Variants in TF observed in about 807,000 individuals in gnomAD.
TF encodes the protein transferrin, also known as serotransferrin.
A neutral mutation model predicts 82.4 loss-of-function variants in TF; 55 were observed. The observed-to-expected ratio is 0.67, with a 90% confidence interval of 0.54 to 0.84. The LOEUF is 0.84. TF is among the 40% of genes least tolerant of loss of function. The pLI is 0.00. For missense variants in TF, 737 were observed against 868.4 expected, an observed-to-expected ratio of 0.85 and a Z score of 1.90; for synonymous variants, 332 against 332.6, an observed-to-expected ratio of 1.00 and a Z score of 0.02.
At chr3:133,767,089 G>A (rs1168326602) in intron 12 of TF, among the ~76,000 whole-genome samples, 2 of 152,164 alleles carry the variant, frequency 1.3e-5, no homozygotes, top group African/African-American at 4.8e-5. Context: ...CTGCCACAAG[G>A]TTTTGTATGG....
At chr3:133,767,902 G>A in intron 12 of TF, 127 bp from the exon 13 acceptor site, 2 of 1,219,916 alleles carry the variant, frequency 1.6e-6, no homozygotes, top group Non-Finnish European at 1.2e-6. Flanking sequence ...CTGGGTTGGT[G>A]GTGGCTGGTC....
chr3:133,754,362 C>T (rs916435805), intron 3 of TF, 133 bp from the exon 4 acceptor site: 1 of 882,656 alleles, frequency 1.1e-6, no homozygotes, highest in Non-Finnish European at 1.9e-6. Context: ...TTTCCTGATT[C>T]CCCACTCCTT....
chr3:133,713,322 A>T, the TF span, among the ~76,000 whole-genome samples: 1 of 152,240 alleles, frequency 6.6e-6, no homozygotes, highest in Non-Finnish European at 1.5e-5. Flanking sequence ...TGGGCTCTCA[A>T]TGCAATAGAA....
At chr3:133,754,738 A>G (rs1933777408) in intron 4 of TF, 67 bp downstream of exon 4, 2 of 1,536,956 alleles carry the variant, frequency 1.3e-6, no homozygotes, top group South Asian at 1.1e-5. Context: ...CACAGGCTGC[A>G]CTAGACAGTC....
intron 2 of TF, 190 bp downstream of exon 2, chr3:133,748,774 A>G: frequency 1.4e-6 from 1 of 721,050 alleles, no homozygotes; most frequent in Non-Finnish European, 2.3e-6. Flanking sequence ...AAAAGTCAAA[A>G]AGCACATTAA....
chr3:133,669,125 C>T, the TF span, among the ~76,000 whole-genome samples: 3 of 152,154 alleles, frequency 2.0e-5, no homozygotes, highest in Non-Finnish European at 2.9e-5. Context: ...CTTGACCTCC[C>T]GAGTAGCTGG....
intron 2 of TF, among the ~76,000 whole-genome samples, chr3:133,753,039 A>T (rs1172331922): frequency 6.6e-6 from 1 of 152,170 alleles, no homozygotes; most frequent in Non-Finnish European, 1.5e-5. Context: ...GAATGTTTTC[A>T]AGGTTCCCAT....
the TF span, chr3:133,699,522 T>C: frequency 9.7e-7 from 1 of 1,036,256 alleles, no homozygotes; most frequent in Admixed American, 1.9e-5. Context: ...GGTAGTTGGA[T>C]ACAAGGACTG....
the TF span, among the ~76,000 whole-genome samples, chr3:133,733,201 C>T: frequency 6.6e-6 from 1 of 152,180 alleles, no homozygotes; most frequent in African/African-American, 2.4e-5. Context: ...CCACTTTATG[C>T]CATGCTGTCA....
At chr3:133,752,973 T>C (rs963285615) in intron 2 of TF, among the ~76,000 whole-genome samples, 2 of 151,588 alleles carry the variant, frequency 1.3e-5, no homozygotes, top group African/African-American at 4.8e-5. Flanking sequence ...GGTCATGCAG[T>C]TTTATGGACC....
In TF at chr3:133,775,108, G is replaced by A. The variant is rs1226292929; in HGVS notation, c.1688-325G>A. The stretch of plus-strand genomic sequence containing the variant: ...AGAGCGTCACATTCTTCCTCTGTTG[G>A]AGCAAGAGGTACAGAAGGAATTGGA... On this transcript the variant is annotated intron_variant, in intron 14 of 16. Coordinates refer to ENST00000402696, the MANE Select transcript of TF (RefSeq NM_001063.4). 5 of 396,568 alleles carry A rather than the reference G, an allele frequency of 1.3e-5. No homozygotes were observed. In the East Asian group the frequency reaches 2.9e-4, roughly 23 times the overall value. 24.6% of individuals were successfully genotyped at this position (396,568 alleles called of 1,614,324 possible).
chr3:133,687,874 T>C, the TF span, among the ~76,000 whole-genome samples: 3 of 152,262 alleles, frequency 2.0e-5, no homozygotes, highest in Admixed American at 2.0e-4. Flanking sequence ...CTATTGTGAA[T>C]AGTGCTGCTG....
At chr3:133,697,718 A>G in the TF span, among the ~76,000 whole-genome samples, 1 of 152,178 alleles carries the variant, frequency 6.6e-6, no homozygotes, top group African/African-American at 2.4e-5. Flanking sequence ...TGATTCTCTA[A>G]ATTTAATTCT....
the TF span, among the ~76,000 whole-genome samples, chr3:133,739,209 T>G: frequency 1.3e-5 from 2 of 152,114 alleles, no homozygotes. Flanking sequence ...AAACAAGCAA[T>G]GGGGAAAGGA....
chr3:133,706,760 G>A, the TF span, among the ~76,000 whole-genome samples: 1 of 152,122 alleles, frequency 6.6e-6, no homozygotes, highest in Non-Finnish European at 1.5e-5. Flanking sequence ...GTCCCCTGCT[G>A]AGCACTGGGT....
the TF span, among the ~76,000 whole-genome samples, chr3:133,693,718 C>T: frequency 2.6e-5 from 4 of 152,208 alleles, no homozygotes; most frequent in African/African-American, 9.6e-5. Context: ...ATCCCATGAA[C>T]TACCACAGCC....
chr3:133,776,030 TC>T (rs1934381054), intron 15 of TF, among the ~76,000 whole-genome samples: 1 of 152,204 alleles, frequency 6.6e-6, no homozygotes, highest in Non-Finnish European at 1.5e-5. Flanking sequence ...CAGCTCTGCT[TC>T]TAGCTCCTGG....
Position 133,794,136 on chromosome 3 carries a change from A to G in TF, c.*15516A>G, listed in dbSNP as rs957515034. The G allele has an allele frequency of 2.6e-5, 4 of 152,204 alleles. No individual in the cohort carries two copies. The highest frequency in any genetic ancestry group is 2.6e-4 in the Admixed American group (4 of 15,284). 9.4% of individuals were successfully genotyped at this position (152,204 alleles called of 1,614,324 possible). ...AGAGGATATGAGTCTAATGTTAATT[A>G]AGCATGAACTCATGGAGAACCAGGA... On this transcript the variant is annotated 3_prime_UTR_variant, in exon 17 of 17. Coordinates refer to ENST00000402696, the MANE Select transcript of TF (RefSeq NM_001063.4).
Position 133,766,268 on chromosome 3 carries a change from T to C in TF, c.1331-10T>C. On this transcript the variant is annotated splice_polypyrimidine_tract_variant and intron_variant, in intron 11 of 16. Coordinates refer to ENST00000402696, the MANE Select transcript of TF (RefSeq NM_001063.4). ...TGTTAATACATCCTTTTCTGGTGTC[T>C]TTCTTGTAGGGTATTTTGCTATAGC... is the stretch of plus-strand genomic sequence containing the variant. 3 of 1,614,100 alleles carry C rather than the reference T, an allele frequency of 1.9e-6. No homozygotes were observed. The highest frequency in any genetic ancestry group is 2.5e-6 in the Non-Finnish European group (3 of 1,179,936).
Sources: allele counts gnomAD v4.1 joint callset (sites outside exome capture counted in the v4.1 genomes callset), GRCh38; gene constraint gnomAD v4.1.1; transcripts MANE v1.5; gene names NCBI Gene and HGNC (gene_info 2026-07-23, HGNC 2026-07-21).